PABPN1L: variants seen among roughly 807,000 people sequenced by gnomAD.
The protein encoded by PABPN1L is PABPN1 like, cytoplasmic, also known as embryonic polyadenylate-binding protein 2.
Under a neutral mutation model 34.0 loss-of-function variants are expected in PABPN1L, and 45 were observed. The observed-to-expected ratio is 1.32, with a 90% CI of 1.04 to 1.70. The LOEUF is 1.70. Among genes scored for constraint, PABPN1L ranks in the 40% most tolerant of loss-of-function variants. The pLI is 0.00. For synonymous variants in PABPN1L, 182 were observed against 152.1 expected, an observed-to-expected ratio of 1.20 and a Z score of -1.45; for missense variants, 459 against 367.8, an observed-to-expected ratio of 1.25 and a Z score of -2.03.
chr16:88,866,656 C>A, upstream of PABPN1L: 2 of 1,481,684 alleles, frequency 1.3e-6, no homozygotes, highest in Non-Finnish European at 1.8e-6. Flanking sequence ...CCCTCCACTC[C>A]CCTCGCGTCC....
chr16:88,868,579 C>T (rs1968643939), upstream of PABPN1L, among the ~76,000 whole-genome samples: 1 of 152,032 alleles, frequency 6.6e-6, no homozygotes. Context: ...GCACTCCGGC[C>T]TGGGCGACGG....
chr16:88,863,503 G>C, exon 7 of PABPN1L: 1 of 588,466 alleles, frequency 1.7e-6, no homozygotes, highest in Non-Finnish European at 3.1e-6. Flanking sequence ...GAGCCCCGCA[G>C]ATCCCCGTGG....
chr16:88,863,915 C>G, intron 6 of PABPN1L, 120 bp from the exon 7 acceptor site: 1 of 1,061,004 alleles, frequency 9.4e-7, no homozygotes. Flanking sequence ...CAGGCAATGC[C>G]CCAGGGGCCT....
exon 2 of PABPN1L, chr16:88,865,895 T>G: frequency 1.2e-6 from 2 of 1,609,434 alleles, no homozygotes; most frequent in Non-Finnish European, 1.7e-6. Flanking sequence ...TGGCGTCCCC[T>G]CGGCCTGCTC....
chr16:88,865,115 C>T lies in PABPN1L; in HGVS notation c.473G>A (p.Gly158Asp), dbSNP rs1968558848. 4 of 1,573,498 alleles carry T rather than the reference C, an allele frequency of 2.5e-6. No homozygotes were observed. The African/African-American group carries it at 4.1e-5, about 16-fold the overall frequency. Residue 158 changes from glycine (G) to aspartate (D), a missense_variant, in exon 4 of 7, where the codon GGC (glycine) becomes GAC (aspartate). By Grantham distance (94) the Gly-to-Asp change is moderately conservative. Coordinates refer to ENST00000419291, the Ensembl canonical transcript of PABPN1L. ...GTGGGCCTCCAGCTCCTCGGCGGAGCCCCCGTAGTCCACCTGCACCCAGGC... is the reference window on the plus strand; with the variant it reads ...GTGGGCCTCCAGCTCCTCGGCGGAGTCCCCGTAGTCCACCTGCACCCAGGC...
exon 6 of PABPN1L, chr16:88,864,303 C>A: frequency 6.4e-7 from 1 of 1,555,566 alleles, no homozygotes; most frequent in Non-Finnish European, 8.7e-7. Context: ...GGGTGCCCCC[C>A]TGGAGCCTGG....
At chr16:88,864,104 A>C (rs74979818) in intron 6 of PABPN1L, 133 bp downstream of exon 6, 63,647 of 1,190,956 alleles carry the variant, frequency 0.053, 2,055 homozygotes, top group African/African-American at 0.097. Context: ...TGCAGCAGCC[A>C]CAGCCCTCAC....
upstream of PABPN1L, among the ~76,000 whole-genome samples, chr16:88,867,464 C>A (rs908054488): frequency 6.6e-6 from 1 of 152,186 alleles, no homozygotes; most frequent in Non-Finnish European, 1.5e-5. Context: ...CTCCTGACCT[C>A]AGGTGATCCG....
chr16:88,866,776 G>T, upstream of PABPN1L: 1 of 917,638 alleles, frequency 1.1e-6, no homozygotes, highest in South Asian at 2.0e-5. Flanking sequence ...TTGGCTCCCG[G>T]CCCCGCCCCT....
upstream of PABPN1L, among the ~76,000 whole-genome samples, chr16:88,867,846 G>A (rs916435003): frequency 7.9e-5 from 12 of 152,168 alleles, no homozygotes; most frequent in African/African-American, 2.2e-4. Flanking sequence ...TGAAGGACTC[G>A]GGGCCAGGGG....
chr16:88,864,157 A>G, intron 6 of PABPN1L, 80 bp downstream of exon 6: 1 of 1,454,882 alleles, frequency 6.9e-7, no homozygotes, highest in Non-Finnish European at 9.1e-7. Context: ...ATGAGGAACG[A>G]GCTCAGGGAC....
At chr16:88,866,456 TCTC>T (rs753523647) in exon 1 of PABPN1L, 12 of 1,551,446 alleles carry the variant, frequency 7.7e-6, no homozygotes, top group African/African-American at 4.1e-5. Context: ...TCCTCCTCTT[TCTC>T]CTCCTTCCCT....
upstream of PABPN1L, among the ~76,000 whole-genome samples, chr16:88,867,326 C>T (rs190050856): frequency 1.9e-3 from 284 of 151,450 alleles, 2 homozygotes; most frequent in African/African-American, 6.5e-3. Context: ...CTCCCAGGTT[C>T]GGGTGATTCT....
intron 6 of PABPN1L, 122 bp from the exon 7 acceptor site, chr16:88,863,917 C>T: frequency 9.5e-7 from 1 of 1,055,868 alleles, no homozygotes; most frequent in African/African-American, 1.6e-5. Flanking sequence ...GGCAATGCCC[C>T]AGGGGCCTTT....
At chr16:88,865,432 G>A in intron 3 of PABPN1L, 131 bp downstream of exon 3, 2 of 1,161,604 alleles carry the variant, frequency 1.7e-6, no homozygotes, top group African/African-American at 1.6e-5. Context: ...GTTTCCTCAA[G>A]GTGACGGGGC....
chr16:88,863,714 T>C, exon 7 of PABPN1L: 1 of 1,534,362 alleles, frequency 6.5e-7, no homozygotes, highest in Non-Finnish European at 8.7e-7. Context: ...GGTTTACTCC[T>C]GATCCAGGCC....
exon 7 of PABPN1L, chr16:88,863,724 C>T: frequency 6.5e-7 from 1 of 1,535,614 alleles, no homozygotes; most frequent in Non-Finnish European, 8.7e-7. Context: ...TGATCCAGGC[C>T]CCAGCCCCTC....
chr16:88,867,803 C>T (rs1331866402), upstream of PABPN1L, among the ~76,000 whole-genome samples: 2 of 152,226 alleles, frequency 1.3e-5, no homozygotes, highest in Non-Finnish European at 2.9e-5. Flanking sequence ...CTCTGGCCTT[C>T]ATCTCCAGTG....
At position 88,864,316 on chromosome 16, in the gene PABPN1L, G is replaced by A. The variant is rs751579358; in HGVS notation, c.718C>T (p.His240Tyr). The change falls in exon 6 of 7, where the codon CAC (histidine) becomes TAC (tyrosine). Residue 240 changes from histidine (H) to tyrosine (Y), a missense_variant. Transcript: ENST00000419291. Reference sequence around the variant, plus strand: ...AAGGGTGCCCCCCTGGAGCCTGGGTGTCCTCGAAGGCCCCCGCGGTCTGTG... The same window carrying A: ...AAGGGTGCCCCCCTGGAGCCTGGGTATCCTCGAAGGCCCCCGCGGTCTGTG... The A allele has an allele frequency of 7.1e-6, 11 of 1,555,346 alleles. No individual in the cohort carries two copies. The East Asian group carries it at 1.7e-4, about 24-fold the overall frequency.
Sources: allele counts gnomAD v4.1 joint callset (sites outside exome capture counted in the v4.1 genomes callset), GRCh38; gene constraint gnomAD v4.1.1; transcripts MANE v1.5; gene names NCBI Gene and HGNC (gene_info 2026-07-23, HGNC 2026-07-21).